Variants in NUMB observed in about 807,000 individuals in gnomAD.
NUMB encodes the protein protein numb homolog.
Under a neutral mutation model 59.7 loss-of-function variants are expected in NUMB, and 29 were observed. The ratio of observed to expected loss-of-function variants is 0.49; its 90% CI spans 0.36 to 0.66. NUMB has a LOEUF of 0.66. Ranked by LOEUF, NUMB falls within the 30% of genes least tolerant of loss-of-function variation. The pLI is 0.00. For synonymous variants in NUMB, 288 were observed against 288.2 expected, an observed-to-expected ratio of 1.00 and a Z score of 0.01; for missense variants, 723 against 822.0, an observed-to-expected ratio of 0.88 and a Z score of 1.47.
intron 10 of NUMB, 86 bp downstream of exon 10, chr14:73,283,995 G>A: frequency 2.4e-6 from 3 of 1,272,200 alleles, no homozygotes; most frequent in Admixed American, 1.9e-5. Context: ...GGAATGCCTA[G>A]TTTAATGGGA....
At position 73,402,119 on chromosome 14, in the gene NUMB, GC is replaced by G. The variant is rs369059802; in HGVS notation, c.-101+7817del. On this transcript the variant is annotated intron_variant, in intron 2 of 12. Coordinates refer to ENST00000555238, the MANE Select transcript of NUMB (RefSeq NM_001005743.2). ...GAGCTCAAGTGATTCCTCTGCCTCA[GC>G]CTCCCAAAGTGCTAGGATTACAGGA... Among the ~76,000 whole-genome samples, 69 of 152,238 alleles carry G rather than the reference GC, an allele frequency of 4.5e-4. 3 individuals carry two copies. In the South Asian group the frequency reaches 0.014, roughly 30 times the overall value.
intron 4 of NUMB, among the ~76,000 whole-genome samples, chr14:73,352,931 C>A (rs1893497612): frequency 1.3e-5 from 2 of 151,318 alleles, no homozygotes; most frequent in South Asian, 4.2e-4. Context: ...GAAACTATGT[C>A]TTTTTTGCTT....
chr14:73,310,734 A>C (rs1282258091), intron 6 of NUMB, among the ~76,000 whole-genome samples: 1 of 150,046 alleles, frequency 6.7e-6, no homozygotes, highest in Admixed American at 6.6e-5. Context: ...AGTAGGTCAA[A>C]GCACATAATA....
intron 5 of NUMB, among the ~76,000 whole-genome samples, chr14:73,320,513 G>A (rs1048813690): frequency 9.2e-5 from 14 of 152,112 alleles, no homozygotes; most frequent in Non-Finnish European, 1.9e-4. Context: ...GATTATAGGC[G>A]CAAGCTACTG....
chr14:73,276,586 C>A lies in NUMB; in HGVS notation c.1948G>T (p.Glu650Ter). 6.2e-7 allele frequency: 1 copy of A among 1,611,482 alleles called. No individual in the cohort carries two copies. The highest frequency in any genetic ancestry group is 8.5e-7 in the Non-Finnish European group (1 of 1,178,172). ...ATAGCCATAATGATTGCTTAAAGTT[C>A]AATTTCAAACGTCTTCTGTAAGTCA... The part of the protein sequence containing the change: ...SSDLQKTFEI[E>*]L The change falls in exon 13 of 13, where the codon GAA becomes TAA. Residue 650 changes from glutamate (E) to a stop codon, truncating the protein, a stop_gained. Transcript: ENST00000555238. LOFTEE classifies it high-confidence loss of function.
intron 1 of NUMB, among the ~76,000 whole-genome samples, chr14:73,426,059 C>T (rs934738836): frequency 7.2e-5 from 11 of 152,056 alleles, no homozygotes; most frequent in Non-Finnish European, 1.5e-4. Context: ...ATCCACCCAC[C>T]TTGGCCTCCA....
chr14:73,453,559 T>A (rs529188901), intron 1 of NUMB, among the ~76,000 whole-genome samples: 1 of 152,178 alleles, frequency 6.6e-6, no homozygotes, highest in Non-Finnish European at 1.5e-5. Flanking sequence ...ATTGTATTTC[T>A]ACCTCTTATA....
intron 1 of NUMB, among the ~76,000 whole-genome samples, chr14:73,420,963 T>C (rs1421255648): frequency 6.6e-6 from 1 of 152,078 alleles, no homozygotes; most frequent in Non-Finnish European, 1.5e-5. Flanking sequence ...AATATTTTTG[T>C]AAGAGCAACA....
chr14:73,295,611 G>A (rs1418596677), intron 7 of NUMB, among the ~76,000 whole-genome samples: 6 of 152,014 alleles, frequency 3.9e-5, no homozygotes, highest in African/African-American at 7.3e-5. Context: ...CTAAAATGCA[G>A]CTATATTAAA....
chr14:73,295,059 CAAAAAAAAA>C (rs1168287763), intron 7 of NUMB, among the ~76,000 whole-genome samples: 3 of 67,198 alleles, frequency 4.5e-5, no homozygotes, highest in East Asian at 4.9e-4. Context: ...GGCACTGTCT[CAAAAAAAAA>C]AAAAAAAAAA....
chr14:73,404,377 G>A (rs960894791), intron 2 of NUMB, among the ~76,000 whole-genome samples: 6 of 151,916 alleles, frequency 3.9e-5, no homozygotes, highest in Non-Finnish European at 8.8e-5. Flanking sequence ...TGGGGTTACA[G>A]GAAAAAATAG....
chr14:73,457,004 G>A (rs1884420413), intron 1 of NUMB, among the ~76,000 whole-genome samples: 2 of 151,818 alleles, frequency 1.3e-5, no homozygotes, highest in Non-Finnish European at 2.9e-5. Flanking sequence ...ACGACTATGT[G>A]CCAGTCACTA....
chr14:73,331,629 C>T (rs563677714), intron 4 of NUMB, among the ~76,000 whole-genome samples: 1 of 152,232 alleles, frequency 6.6e-6, no homozygotes, highest in Non-Finnish European at 1.5e-5. Flanking sequence ...CCTTGAATTG[C>T]AATAATCCCC....
At chr14:73,350,493 T>A (rs1316827711) in intron 4 of NUMB, among the ~76,000 whole-genome samples, 2 of 151,700 alleles carry the variant, frequency 1.3e-5, no homozygotes, top group African/African-American at 4.8e-5. Flanking sequence ...TTAATACTAC[T>A]CTTTTTCATT....
chr14:73,324,138 C>T lies in NUMB; in HGVS notation c.127-934G>A, dbSNP rs938500622. Among the ~76,000 whole-genome samples, 4 of 152,292 alleles carry T rather than the reference C, an allele frequency of 2.6e-5. No homozygotes were observed. The East Asian group carries it at 5.8e-4, about 22-fold the overall frequency. ...ACTGTATCACAGAAGAAGAGACTAA[C>T]GGTCAACACCCCAGACTCTGTCACA... On this transcript the variant is annotated intron_variant, in intron 4 of 12. Coordinates refer to ENST00000555238, the MANE Select transcript of NUMB (RefSeq NM_001005743.2).
chr14:73,291,104 G>A (rs1475260993), intron 8 of NUMB, among the ~76,000 whole-genome samples: 4 of 147,072 alleles, frequency 2.7e-5, no homozygotes, highest in African/African-American at 1.0e-4. Flanking sequence ...TTTTTGAGAT[G>A]GAGTCTTGCT....
intron 2 of NUMB, among the ~76,000 whole-genome samples, chr14:73,403,073 T>C (rs1896494028): frequency 6.6e-6 from 1 of 152,228 alleles, no homozygotes; most frequent in Non-Finnish European, 1.5e-5. Context: ...GAGGTGACCA[T>C]ATGACCCAAT....
chr14:73,337,172 C>A (rs968248002), intron 4 of NUMB, among the ~76,000 whole-genome samples: 1 of 151,902 alleles, frequency 6.6e-6, no homozygotes, highest in African/African-American at 2.4e-5. Flanking sequence ...AATAAGTACA[C>A]GAAAACTTTT....
intron 1 of NUMB, among the ~76,000 whole-genome samples, chr14:73,422,042 G>A (rs1897369439): frequency 6.6e-6 from 1 of 152,092 alleles, no homozygotes; most frequent in African/African-American, 2.4e-5. Context: ...TACTCAGGAG[G>A]CTGAGGCAAG....
Sources: allele counts gnomAD v4.1 joint callset (sites outside exome capture counted in the v4.1 genomes callset), GRCh38; gene constraint gnomAD v4.1.1; transcripts MANE v1.5; gene names NCBI Gene and HGNC (gene_info 2026-07-23, HGNC 2026-07-21).